IPMK: variants seen among roughly 807,000 people sequenced by gnomAD.
The protein encoded by IPMK is inositol polyphosphate multikinase.
IPMK carries 17 observed loss-of-function variants against 45.8 expected under a neutral mutation model. The observed-to-expected ratio is 0.37, with a 90% confidence interval of 0.25 to 0.56. The LOEUF is 0.56. IPMK is among the 20% of genes least tolerant of loss of function. The pLI is 0.79. For missense variants in IPMK, 399 were observed against 498.0 expected, an observed-to-expected ratio of 0.80 and a Z score of 1.89; for synonymous variants, 180 against 184.3, an observed-to-expected ratio of 0.98 and a Z score of 0.19.
intron 1 of IPMK, among the ~76,000 whole-genome samples, chr10:58,247,782 G>A (rs1838824396): frequency 6.6e-6 from 1 of 152,014 alleles, no homozygotes; most frequent in East Asian, 1.9e-4. Context: ...TTGTGCACAT[G>A]TACCCTAAAA....
intron 2 of IPMK, among the ~76,000 whole-genome samples, chr10:58,232,131 A>G (rs1234847632): frequency 1.3e-5 from 2 of 152,252 alleles, no homozygotes; most frequent in African/African-American, 4.8e-5. Context: ...AGAAGAGTTA[A>G]CTATCCTAAA....
chr10:58,248,774 T>C (rs1838840605), intron 1 of IPMK, among the ~76,000 whole-genome samples: 2 of 152,212 alleles, frequency 1.3e-5, no homozygotes, highest in Admixed American at 6.5e-5. Flanking sequence ...CTCCCTCATC[T>C]GAATGAGGTC....
intron 4 of IPMK, among the ~76,000 whole-genome samples, chr10:58,202,185 C>T (rs980629323): frequency 6.6e-6 from 1 of 152,122 alleles, no homozygotes; most frequent in Non-Finnish European, 1.5e-5. Context: ...TACCCCAAAC[C>T]ACAGATTCTC....
chr10:58,204,476 T>C (rs1240517291), intron 4 of IPMK, among the ~76,000 whole-genome samples: 7 of 152,026 alleles, frequency 4.6e-5, no homozygotes, highest in Non-Finnish European at 5.9e-5. Context: ...GGATCCAGAA[T>C]AGCCAAAACA....
At chr10:58,238,381 G>A (rs1052989547) in intron 1 of IPMK, among the ~76,000 whole-genome samples, 1 of 152,196 alleles carries the variant, frequency 6.6e-6, no homozygotes, top group African/African-American at 2.4e-5. Context: ...CAGGCAACAA[G>A]CCTAGAGCAG....
chr10:58,199,392 G>T lies in IPMK; in HGVS notation c.547-71C>A. 3 of 929,232 alleles carry T rather than the reference G, an allele frequency of 3.2e-6. No homozygotes were observed. In the South Asian group the frequency reaches 6.1e-5, roughly 19 times the overall value. The allele number at this position is 929,232 out of a possible 1,614,324, so 57.6% of individuals were successfully genotyped here. Reference sequence around the variant, plus strand: ...CATGTGGGGTTATCCCAGCCACAAGGGTGGCTAAAGATGAAATCTACTCAG... The same window carrying T: ...CATGTGGGGTTATCCCAGCCACAAGTGTGGCTAAAGATGAAATCTACTCAG... On this transcript the variant is annotated intron_variant, in intron 4 of 5. Transcript: ENST00000373935.
At chr10:58,245,746 G>C (rs1319943691) in intron 1 of IPMK, among the ~76,000 whole-genome samples, 1 of 151,366 alleles carries the variant, frequency 6.6e-6, no homozygotes, top group Admixed American at 6.6e-5. Flanking sequence ...ACTGGCACAA[G>C]ACAGGGATGC....
intron 1 of IPMK, among the ~76,000 whole-genome samples, chr10:58,265,349 C>T (rs1481969686): frequency 6.6e-6 from 1 of 152,134 alleles, no homozygotes; most frequent in Non-Finnish European, 1.5e-5. Context: ...AACATAACGT[C>T]CTTAACAAAG....
At chr10:58,245,937 T>A (rs1838793017) in intron 1 of IPMK, among the ~76,000 whole-genome samples, 1 of 140,914 alleles carries the variant, frequency 7.1e-6, no homozygotes, top group Non-Finnish European at 1.5e-5. Flanking sequence ...CGTAAGCTGA[T>A]AAGCAACTTC....
chr10:58,235,214 T>C (rs1246779820), intron 2 of IPMK, among the ~76,000 whole-genome samples: 1 of 152,202 alleles, frequency 6.6e-6, no homozygotes, highest in African/African-American at 2.4e-5. Flanking sequence ...TTTACACTGT[T>C]GGTGGGAGTG....
In IPMK at chr10:58,211,749, A is replaced by G. The variant is rs1192480248; in HGVS notation, c.546+4396T>C. On this transcript the variant is annotated intron_variant, in intron 4 of 5. Transcript: ENST00000373935. ...AACAATGAAACCTCATCTGTACTAAAAAAAAAAAAAAAAATCAGCCAAGTG... is the reference window on the plus strand; with the variant it reads ...AACAATGAAACCTCATCTGTACTAAGAAAAAAAAAAAAAATCAGCCAAGTG... Among the ~76,000 whole-genome samples the G allele has an allele frequency of 4.3e-5, 3 of 70,030 alleles. No homozygotes were observed. The East Asian group carries it at 2.0e-3, about 46-fold the overall frequency. 45.9% of individuals were successfully genotyped at this position (70,030 alleles called of 152,430 possible).
rs1839167740 is a variant in IPMK, at chr10:58,267,485, G to A, written c.127C>T (p.Leu43Phe). 1.9e-6 allele frequency: 3 copies of A among 1,613,680 alleles called. No homozygotes were observed. The Admixed American group carries it at 5.0e-5, about 27-fold the overall frequency. ...PQPAGGRLRFLNGCVPLSHQV... is the reference protein window; with the variant it reads ...PQPAGGRLRFFNGCVPLSHQV... ...TGCGAGAGGGGCACGCAGCCGTTGAGGAAGCGGAGTCTGCCGCCCGCCGGC... is the reference window on the plus strand; with the variant it reads ...TGCGAGAGGGGCACGCAGCCGTTGAAGAAGCGGAGTCTGCCGCCCGCCGGC... The change falls in exon 1 of 6, where the codon CTC becomes TTC. Residue 43 changes from leucine (L) to phenylalanine (F), a missense_variant. Physicochemically the swap from Leu to Phe is conservative, Grantham distance 22. Coordinates refer to ENST00000373935, the MANE Select transcript of IPMK (RefSeq NM_152230.5).
At chr10:58,226,822 A>G (rs1032038739) in intron 3 of IPMK, among the ~76,000 whole-genome samples, 3 of 152,204 alleles carry the variant, frequency 2.0e-5, no homozygotes, top group Admixed American at 1.3e-4. Flanking sequence ...CCATTCAACT[A>G]TAAGAGATTG....
At chr10:58,267,380 A>C (rs1247971557) in intron 1 of IPMK, 42 bp downstream of exon 1, 1 of 1,599,002 alleles carries the variant, frequency 6.3e-7, no homozygotes, top group African/African-American at 1.3e-5. Flanking sequence ...GGGCTCGCAC[A>C]GGCGGAAGGG....
chr10:58,211,456 G>C (rs908805663), intron 4 of IPMK, among the ~76,000 whole-genome samples: 5 of 152,038 alleles, frequency 3.3e-5, no homozygotes, highest in Non-Finnish European at 7.4e-5. Context: ...GCCTTGCAAA[G>C]TGCTGGGATT....
intron 1 of IPMK, among the ~76,000 whole-genome samples, chr10:58,242,886 GGT>G (rs1286280875): frequency 6.6e-6 from 1 of 151,932 alleles, no homozygotes; most frequent in Non-Finnish European, 1.5e-5. Context: ...TTCTCATGAT[GGT>G]GAGTTCTCAT....
chr10:58,208,045 A>G (rs1360872330), intron 4 of IPMK, among the ~76,000 whole-genome samples: 1 of 151,920 alleles, frequency 6.6e-6, no homozygotes, highest in Non-Finnish European at 1.5e-5. Context: ...GGTTCACGCC[A>G]TTCTCCTGCC....
rs904870227 is a variant in IPMK, at chr10:58,234,071, A to T, written c.276+3658T>A. Among the ~76,000 whole-genome samples the T allele has an allele frequency of 3.9e-5, 6 of 152,244 alleles. No individual in the cohort carries two copies. The East Asian group carries it at 7.7e-4, about 20-fold the overall frequency. Reference sequence around the variant, plus strand: ...GAGTGAACTCCCATTCACAATTGCTACAAAGAGAATAAAATACCTAGGAAT... The same window carrying T: ...GAGTGAACTCCCATTCACAATTGCTTCAAAGAGAATAAAATACCTAGGAAT... On this transcript the variant is annotated intron_variant, in intron 2 of 5. Coordinates refer to ENST00000373935, the MANE Select transcript of IPMK (RefSeq NM_152230.5).
chr10:58,204,285 A>G lies in IPMK; in HGVS notation c.547-4964T>C, dbSNP rs547559093. On this transcript the variant is annotated intron_variant, in intron 4 of 5. Transcript: ENST00000373935. ...CAACCTAAAAACACGTAAATACGTA[A>G]CAAAAAAGTATCCAATTTTTTTTTA... Among the ~76,000 whole-genome samples the G allele has an allele frequency of 2.6e-4, 40 of 152,330 alleles. 3 individuals are homozygous for G. Among genetic ancestry groups the G allele is most frequent in the Middle Eastern group, 6.8e-3 (2 of 294 alleles).
Sources: gnomAD v4.1 joint callset for allele counts (sites outside exome capture counted in the v4.1 genomes callset) on GRCh38, gnomAD v4.1.1 for gene constraint, MANE v1.5 for transcripts, NCBI Gene and HGNC (gene_info 2026-07-23, HGNC 2026-07-21) for gene names.